Variants in ALOXE3 observed in about 807,000 individuals in gnomAD.
ALOXE3 encodes the protein hydroperoxide isomerase ALOXE3.
Under a neutral mutation model 87.5 loss-of-function variants are expected in ALOXE3, and 78 were observed. The ratio of observed to expected loss-of-function variants is 0.89; its 90% CI spans 0.74 to 1.08. ALOXE3 has a LOEUF of 1.08. ALOXE3 is among the 50% of genes least tolerant of loss of function. ALOXE3 has a pLI of 0.00. For synonymous variants in ALOXE3, 363 were observed against 370.8 expected (o/e 0.98, Z 0.24); for missense variants, 946 against 912.4 (o/e 1.04, Z -0.47).
At chr17:8,107,014 A>G (rs1024428014) in intron 13 of ALOXE3, among the ~76,000 whole-genome samples, 3 of 152,222 alleles carry the variant, frequency 2.0e-5, no homozygotes, top group Non-Finnish European at 2.9e-5. Context: ...TGTCAATCTG[A>G]AGAGTGTTCT....
intron 15 of ALOXE3, among the ~76,000 whole-genome samples, chr17:8,098,308 G>A (rs1407700945): frequency 8.6e-6 from 1 of 116,094 alleles, no homozygotes; most frequent in Non-Finnish European, 1.7e-5. Context: ...GCGCGATCTT[G>A]GCTCGCTGCA....
chr17:8,103,729 C>T (rs1202254500), intron 14 of ALOXE3, among the ~76,000 whole-genome samples: 1 of 151,778 alleles, frequency 6.6e-6, no homozygotes, highest in Non-Finnish European at 1.5e-5. Flanking sequence ...CTTGTCACTC[C>T]CCGCCCAGTG....
rs1017502902 is a variant in ALOXE3 at position 8,104,436 on chromosome 17, C to T, written c.1685-221G>A. On this transcript the variant is annotated intron_variant, in intron 13 of 15. Coordinates refer to ENST00000448843, the MANE Select transcript of ALOXE3 (RefSeq NM_021628.3). ...GGCTGGGATCTGGCCAGAAAATCCC[C>T]GGCAGGCAGGGCCAATGACAGAGGC... is the stretch of plus-strand genomic sequence containing the variant. 3.9e-5 allele frequency among the ~76,000 whole-genome samples: 6 copies of T among 152,144 alleles called. No homozygotes were observed. The South Asian group carries it at 8.3e-4, about 21-fold the overall frequency.
In ALOXE3 at chr17:8,117,827, G is replaced by A. The variant is rs775767233; in HGVS notation, c.147+17C>T. On this transcript the variant is annotated intron_variant, in intron 2 of 15. Transcript: ENST00000448843. The stretch of plus-strand genomic sequence containing the variant: ...TGCCCCTCTGAGGTCGCGCTTCCCT[G>A]TCTCCTTTGTACTCACCGATCCAGG... 1.9e-6 allele frequency: 3 copies of A among 1,608,662 alleles called. No homozygotes were observed. Among genetic ancestry groups the A allele is most frequent in the Admixed American group, 1.7e-5 (1 of 59,566 alleles).
intron 13 of ALOXE3, 109 bp downstream of exon 13, chr17:8,108,359 T>C (rs1042272244): frequency 4.1e-6 from 6 of 1,476,796 alleles, no homozygotes; most frequent in Non-Finnish European, 5.5e-6. Flanking sequence ...GGGATATTAA[T>C]AGTATCTACT....
chr17:8,114,939 T>C lies in ALOXE3; in HGVS notation c.553A>G (p.Ser185Gly). ...TCCTTCCCAAGCTTTAATCTTCACC[T>C]GTCACCCTGGTCTACACAAGTTGTC... ...KTTTCVDQGD[S>G]SGNRYLPGFP... Residue 185 changes from serine (S) to glycine (G), a missense_variant and splice_region_variant, in exon 5 of 16, where the codon AGC (serine) becomes GGC (glycine). Physicochemically the swap from Ser to Gly is moderately conservative, Grantham distance 56 (BLOSUM62 0). Coordinates refer to ENST00000448843, the MANE Select transcript of ALOXE3 (RefSeq NM_021628.3). 1.9e-6 allele frequency: 3 copies of C among 1,614,040 alleles called. No individual in the cohort carries two copies. The highest frequency in any genetic ancestry group is 2.5e-6 in the Non-Finnish European group (3 of 1,179,996).
chr17:8,113,922 G>C (rs1254968151), intron 6 of ALOXE3, among the ~76,000 whole-genome samples: 1 of 152,030 alleles, frequency 6.6e-6, no homozygotes, highest in Non-Finnish European at 1.5e-5. Context: ...CTACTCAGGA[G>C]GCTGAGGCAG....
Position 8,096,522 on chromosome 17 carries a change from C to T in ALOXE3, c.*105G>A. 1 of 758,242 alleles carries T rather than the reference C, an allele frequency of 1.3e-6. No individual in the cohort carries two copies. The highest frequency in any genetic ancestry group is 1.4e-5 in the South Asian group (1 of 70,640). 47.0% of individuals were successfully genotyped at this position (758,242 alleles called of 1,614,324 possible). ...GTCTCCATGTGCAGAAGAGAAGGTT[C>T]AGGTGAACTGAGAACAGGGAGGATG... On this transcript the variant is annotated 3_prime_UTR_variant, in exon 16 of 16. Transcript: ENST00000448843.
At chr17:8,105,914 CAAAAA>C (rs1164518718) in intron 13 of ALOXE3, among the ~76,000 whole-genome samples, 3 of 43,148 alleles carry the variant, frequency 7.0e-5, no homozygotes, top group African/African-American at 2.8e-4. Flanking sequence ...GACCCCGCCT[CAAAAA>C]AAAAAAAAAA....
chr17:8,110,563 C>G, intron 8 of ALOXE3, 35 bp from the exon 9 acceptor site: 1 of 1,613,098 alleles, frequency 6.2e-7, no homozygotes, highest in African/African-American at 1.3e-5. Context: ...GTGTCCCTCC[C>G]TACTCGCGCT....
At chr17:8,097,778 C>T (rs1253582323) in intron 15 of ALOXE3, among the ~76,000 whole-genome samples, 14 of 146,660 alleles carry the variant, frequency 9.5e-5, no homozygotes, top group African/African-American at 2.5e-4. Context: ...GACAGAGTCT[C>T]GCACTGTCGC....
chr17:8,109,867 C>T lies in ALOXE3; in HGVS notation c.1392+49G>A, dbSNP rs552696011. The stretch of plus-strand genomic sequence containing the variant: ...CAGGGCTTGGGGGCGGGTAGCGGGG[C>T]AAAGCGTCTTCGGGGGCGGAGATCA... On this transcript the variant is annotated intron_variant, in intron 11 of 15. Transcript: ENST00000448843. 6 of 1,522,842 alleles carry T rather than the reference C, an allele frequency of 3.9e-6. No homozygotes were observed. In the South Asian group the frequency reaches 7.2e-5, roughly 18 times the overall value. 94.3% of individuals were successfully genotyped at this position (1,522,842 alleles called of 1,614,324 possible). A position where few individuals can be genotyped will look rare whatever the true frequency, so the allele number is the denominator to read the frequency against.
chr17:8,107,998 GGAAAGAAAGAAAGAAA>G (rs1222861475), intron 13 of ALOXE3, among the ~76,000 whole-genome samples: 205 of 6,572 alleles, frequency 0.031, 21 homozygotes, highest in Middle Eastern at 0.12. Flanking sequence ...AAGAAAGGAA[GGAAAGAAAGAAAGAAA>G]GAAAGAAAGA....
At chr17:8,100,119 AAGAG>A (rs1339948275) in intron 15 of ALOXE3, among the ~76,000 whole-genome samples, 3 of 148,808 alleles carry the variant, frequency 2.0e-5, no homozygotes, top group African/African-American at 7.4e-5. Context: ...GAGAGAAAGA[AAGAG>A]AGGGAGGGAG....
At chr17:8,108,057 AAGAAAG>A (rs1979659555) in intron 13 of ALOXE3, among the ~76,000 whole-genome samples, 1 of 149,530 alleles carries the variant, frequency 6.7e-6, no homozygotes, top group African/African-American at 2.5e-5. Context: ...GAAAGAAAGA[AAGAAAG>A]AAAGGAAGAG....
At chr17:8,115,772 T>C in intron 3 of ALOXE3, 84 bp from the exon 4 acceptor site, 1 of 1,369,054 alleles carries the variant, frequency 7.3e-7, no homozygotes, top group Non-Finnish European at 1.0e-6. Context: ...CCCTGACCCT[T>C]GAACCCAATC....
At chr17:8,098,627 G>A (rs952940897) in intron 15 of ALOXE3, among the ~76,000 whole-genome samples, 1 of 152,032 alleles carries the variant, frequency 6.6e-6, no homozygotes, top group Non-Finnish European at 1.5e-5. Context: ...TTTATCAAAT[G>A]CTTTTTCAGC....
chr17:8,110,356 C>G, intron 9 of ALOXE3, 29 bp downstream of exon 9: 2 of 1,605,932 alleles, frequency 1.2e-6, no homozygotes, highest in South Asian at 1.1e-5. Context: ...ACCTGAGCCC[C>G]CATCCCGGGG....
At chr17:8,102,680 C>A (rs1239001525) in intron 15 of ALOXE3, among the ~76,000 whole-genome samples, 1 of 152,190 alleles carries the variant, frequency 6.6e-6, no homozygotes, top group Non-Finnish European at 1.5e-5. Context: ...CTCTTCCTCT[C>A]TGTCCAACTC....
Sources: gnomAD v4.1 joint callset for allele counts (sites outside exome capture counted in the v4.1 genomes callset) on GRCh38, gnomAD v4.1.1 for gene constraint, MANE v1.5 for transcripts, NCBI Gene and HGNC (gene_info 2026-07-23, HGNC 2026-07-21) for gene names.